The following MAP2K3 variants were observed in gnomAD, a reference collection of about 807,000 sequenced individuals.
The protein encoded by MAP2K3 is dual specificity mitogen-activated protein kinase kinase 3.
MAP2K3 carries 30 observed loss-of-function variants against 46.4 expected under a neutral mutation model. The observed-to-expected ratio is 0.65, with a 90% CI of 0.48 to 0.88. The LOEUF (loss-of-function observed/expected upper bound fraction) is 0.88. Among genes scored for constraint, MAP2K3 ranks in the 40% least tolerant of loss-of-function variants. The probability of loss-of-function intolerance (pLI) is 0.00; values close to 1 mark genes in which losing one functional copy is unlikely to be tolerated. For missense variants in MAP2K3, 380 were observed against 464.5 expected, an observed-to-expected ratio of 0.82 and a Z score of 1.67; for synonymous variants, 189 against 176.3, an observed-to-expected ratio of 1.07 and a Z score of -0.57.
chr17:21,308,411 G>C (rs75687688), intron 9 of MAP2K3, among the ~76,000 whole-genome samples: 1,618 of 152,242 alleles, frequency 0.011, no homozygotes, highest in African/African-American at 0.034. Context: ...GCCTCCCAAA[G>C]TGTTGGGATT....
chr17:21,309,687 T>C (rs965948993), intron 9 of MAP2K3, among the ~76,000 whole-genome samples: 8 of 152,202 alleles, frequency 5.3e-5, no homozygotes, highest in Admixed American at 3.9e-4. Context: ...GATCTCGGCT[T>C]ACTGCAACCT....
At chr17:21,291,992 C>T (rs1270468266) in intron 1 of MAP2K3, among the ~76,000 whole-genome samples, 132 of 152,330 alleles carry the variant, frequency 8.7e-4, no homozygotes, top group African/African-American at 2.9e-3. Flanking sequence ...CACGGGCCGA[C>T]GCTGTGGTGG....
chr17:21,306,313 C>T (rs35385416), intron 9 of MAP2K3, among the ~76,000 whole-genome samples: 18 of 144,590 alleles, frequency 1.2e-4, no homozygotes, highest in East Asian at 6.1e-4. Flanking sequence ...CAGGGAAACA[C>T]TTTATTTGTG....
At chr17:21,299,044 TGGAGA>T in intron 3 of MAP2K3, 118 bp downstream of exon 3, 7 of 1,466,552 alleles carry the variant, frequency 4.8e-6, no homozygotes, top group African/African-American at 1.4e-5. Context: ...GGTCAGGCTC[TGGAGA>T]AGAGCCTCGT....
rs550356604 is a variant in MAP2K3 at position 21,295,590 on chromosome 17, C to G, written c.50-2823C>G. The G allele has an allele frequency of 2.3e-6, 3 of 1,277,068 alleles. No individual in the cohort carries two copies. In the East Asian group the frequency reaches 1.7e-4, roughly 72 times the overall value. 79.1% of individuals were successfully genotyped at this position (1,277,068 alleles called of 1,614,324 possible). On this transcript the variant is annotated intron_variant, in intron 1 of 11. Coordinates refer to ENST00000342679, the MANE Select transcript of MAP2K3 (RefSeq NM_145109.3). ...GCCTGTTTCTAGGCTGTCTCCATGACGGCCTCACCCACTCCCTCTGACAGC... is the reference window on the plus strand; with the variant it reads ...GCCTGTTTCTAGGCTGTCTCCATGAGGGCCTCACCCACTCCCTCTGACAGC...
chr17:21,300,673 G>C lies in MAP2K3; in HGVS notation c.279+15G>C. ...TGGCCGTGAAGGTGAGCAGGGCCTG[G>C]AGGCAGCTGGGAGGGCTCCCTGGAG... On this transcript the variant is annotated intron_variant, in intron 4 of 11. Transcript: ENST00000342679. 2 of 1,603,372 alleles carry C rather than the reference G, an allele frequency of 1.2e-6. No homozygotes were observed. The highest frequency in any genetic ancestry group is 1.7e-6 in the Non-Finnish European group (2 of 1,174,616).
At chr17:21,289,573 C>T (rs1420679596) in intron 1 of MAP2K3, among the ~76,000 whole-genome samples, 6 of 152,198 alleles carry the variant, frequency 3.9e-5, no homozygotes, top group South Asian at 2.1e-4. Context: ...GCCCACATGC[C>T]GTCCACGCCT....
intron 1 of MAP2K3, among the ~76,000 whole-genome samples, chr17:21,294,249 G>C (rs1976112798): frequency 7.4e-6 from 1 of 135,710 alleles, no homozygotes; most frequent in Non-Finnish European, 1.6e-5. Context: ...CTCCTTCCCT[G>C]GCAGGCCCAG....
At chr17:21,296,645 TC>T (rs1307129518) in intron 1 of MAP2K3, among the ~76,000 whole-genome samples, 1 of 152,306 alleles carries the variant, frequency 6.6e-6, no homozygotes, top group Non-Finnish European at 1.5e-5. Context: ...CTGAGCCTGT[TC>T]CCCAAGTAAA....
At chr17:21,297,499 A>G (rs1976324024) in intron 1 of MAP2K3, among the ~76,000 whole-genome samples, 1 of 152,304 alleles carries the variant, frequency 6.6e-6, no homozygotes, top group Non-Finnish European at 1.5e-5. Flanking sequence ...CTGCTGCCTG[A>G]TGGTGCCAGA....
chr17:21,312,831 C>G (rs1378008848), intron 10 of MAP2K3, among the ~76,000 whole-genome samples: 4 of 151,676 alleles, frequency 2.6e-5, no homozygotes, highest in Non-Finnish European at 4.4e-5. Context: ...AGGAGAGTCG[C>G]TTGAACCCGG....
chr17:21,292,766 C>CATGTGCTAATTTTTGTATTTTTA (rs1157008091), intron 1 of MAP2K3, among the ~76,000 whole-genome samples: 9 of 152,174 alleles, frequency 5.9e-5, no homozygotes, highest in South Asian at 2.1e-4. Context: ...GGATTACAGG[C>CATGTGCTAATTTTTGTATTTTTA]GTGAGCCACC....
intron 1 of MAP2K3, 184 bp from the exon 2 acceptor site, chr17:21,298,229 C>A (rs1976371947): frequency 4.7e-6 from 4 of 854,554 alleles, no homozygotes; most frequent in East Asian, 2.4e-5. Context: ...TGCTCCCCTG[C>A]AGGGCTGGTG....
chr17:21,309,994 T>C lies in MAP2K3; in HGVS notation c.775-2148T>C, dbSNP rs28445283. Among the ~76,000 whole-genome samples the C allele has an allele frequency of 4.0e-5, 6 of 151,752 alleles. No homozygotes were observed. The South Asian group carries it at 8.3e-4, about 21-fold the overall frequency. Reference sequence around the variant, plus strand: ...TGTCTCTCTCTCTCTGTTTTTTTTGTTTTTTGTTTTTTTTGTTGTTTTTTT... The same window carrying C: ...TGTCTCTCTCTCTCTGTTTTTTTTGCTTTTTGTTTTTTTTGTTGTTTTTTT... On this transcript the variant is annotated intron_variant, in intron 9 of 11. Coordinates refer to ENST00000342679, the MANE Select transcript of MAP2K3 (RefSeq NM_145109.3).
intron 1 of MAP2K3, among the ~76,000 whole-genome samples, chr17:21,287,636 A>G (rs1383975149): frequency 6.6e-6 from 1 of 152,206 alleles, no homozygotes; most frequent in Non-Finnish European, 1.5e-5. Context: ...CCACATGGCC[A>G]TCTCTGGCTG....
intron 5 of MAP2K3, 34 bp from the exon 6 acceptor site, chr17:21,302,109 G>A (rs201979083): frequency 1.2e-4 from 195 of 1,611,044 alleles, no homozygotes; most frequent in Admixed American, 6.5e-4. Flanking sequence ...CGGGCAGCCC[G>A]GCAGCCTGGC....
intron 1 of MAP2K3, among the ~76,000 whole-genome samples, chr17:21,288,871 T>G (rs1975799130): frequency 6.6e-6 from 1 of 152,234 alleles, no homozygotes; most frequent in South Asian, 2.1e-4. Context: ...TGGGTTCGAA[T>G]CCTGGCTCCA....
chr17:21,309,906 G>A (rs1015191626), intron 9 of MAP2K3, among the ~76,000 whole-genome samples: 5 of 151,234 alleles, frequency 3.3e-5, no homozygotes, highest in African/African-American at 7.3e-5. Flanking sequence ...GCCTGGCCTC[G>A]TAATGCTTCT....
At chr17:21,296,011 A>G in intron 1 of MAP2K3, 1 of 1,279,546 alleles carries the variant, frequency 7.8e-7, no homozygotes, top group South Asian at 1.2e-5. Flanking sequence ...TCTGGTTACG[A>G]AAAGCCTGAC....
Sources: gnomAD v4.1 joint callset for allele counts (sites outside exome capture counted in the v4.1 genomes callset) on GRCh38, gnomAD v4.1.1 for gene constraint, MANE v1.5 for transcripts, NCBI Gene and HGNC (gene_info 2026-07-23, HGNC 2026-07-21) for gene names.